CADPS2: variants seen among roughly 807,000 people sequenced by gnomAD.
The protein encoded by CADPS2 is calcium dependent secretion activator 2.
A neutral mutation model predicts 172.5 loss-of-function variants in CADPS2; 93 were observed. That is an observed-to-expected ratio of 0.54 (90% CI 0.46 to 0.64). The LOEUF is 0.64. CADPS2 is among the 30% of genes least tolerant of loss of function. CADPS2 has a pLI of 0.00. For synonymous variants in CADPS2, 546 were observed against 555.2 expected (o/e 0.98, Z 0.23); for missense variants, 1,420 against 1,565.9 (o/e 0.91, Z 1.57).
intron 1 of CADPS2, among the ~76,000 whole-genome samples, chr7:122,881,507 A>C (rs559310343): frequency 6.6e-5 from 10 of 152,276 alleles, no homozygotes; most frequent in African/African-American, 2.2e-4. Context: ...CACTCCCAAC[A>C]GGGCAAGGTA....
At chr7:122,750,018 G>C (rs1460865323) in intron 1 of CADPS2, among the ~76,000 whole-genome samples, 1 of 147,608 alleles carries the variant, frequency 6.8e-6, no homozygotes, top group Non-Finnish European at 1.5e-5. Flanking sequence ...AGAGGGACAA[G>C]AAAATGGAAG....
At chr7:122,660,853 T>G (rs1016698313) in intron 3 of CADPS2, among the ~76,000 whole-genome samples, 4 of 151,922 alleles carry the variant, frequency 2.6e-5, no homozygotes, top group African/African-American at 9.7e-5. Flanking sequence ...GAGGTTGCAG[T>G]AAGTTGAGAT....
chr7:122,668,528 A>G (rs1453976704), intron 2 of CADPS2, among the ~76,000 whole-genome samples: 1 of 152,190 alleles, frequency 6.6e-6, no homozygotes. Context: ...GTAGACTGCT[A>G]GTAAAAAATA....
chr7:122,508,776 T>G (rs1428546066), intron 9 of CADPS2, among the ~76,000 whole-genome samples: 1 of 152,108 alleles, frequency 6.6e-6, no homozygotes, highest in Non-Finnish European at 1.5e-5. Context: ...GAATTAAAGG[T>G]GCCTAACTCC....
At chr7:122,689,825 C>G (rs2084099653) in intron 2 of CADPS2, among the ~76,000 whole-genome samples, 1 of 152,180 alleles carries the variant, frequency 6.6e-6, no homozygotes, top group African/African-American at 2.4e-5. Flanking sequence ...CAGTGCTGCT[C>G]TATACATGGT....
At chr7:122,652,228 G>A (rs569829491) in intron 3 of CADPS2, among the ~76,000 whole-genome samples, 1 of 152,032 alleles carries the variant, frequency 6.6e-6, no homozygotes, top group African/African-American at 2.4e-5. Flanking sequence ...ACAATGCCTA[G>A]TGAAAACTCT....
At chr7:122,553,590 T>C (rs1211901827) in intron 8 of CADPS2, among the ~76,000 whole-genome samples, 1 of 152,060 alleles carries the variant, frequency 6.6e-6, no homozygotes, top group Non-Finnish European at 1.5e-5. Flanking sequence ...ATACCTTGGG[T>C]TTCCCCCTGC....
At chr7:122,643,251 G>A (rs960118759) in intron 3 of CADPS2, among the ~76,000 whole-genome samples, 13 of 152,160 alleles carry the variant, frequency 8.5e-5, no homozygotes, top group African/African-American at 3.1e-4. Flanking sequence ...GTTTTATTAA[G>A]TATTAGCAAA....
intron 8 of CADPS2, among the ~76,000 whole-genome samples, chr7:122,536,614 G>T (rs924358580): frequency 6.6e-6 from 1 of 152,004 alleles, no homozygotes; most frequent in African/African-American, 2.4e-5. Flanking sequence ...TTACTGATGA[G>T]GGTCAGTAAC....
At chr7:122,514,540 C>A (rs562283225) in intron 8 of CADPS2, among the ~76,000 whole-genome samples, 1 of 151,934 alleles carries the variant, frequency 6.6e-6, no homozygotes, top group Admixed American at 6.6e-5. Flanking sequence ...GGAATTAATG[C>A]GCACTCATTC....
chr7:122,635,966 T>A (rs957707926), intron 3 of CADPS2, among the ~76,000 whole-genome samples: 5 of 152,176 alleles, frequency 3.3e-5, no homozygotes, highest in African/African-American at 1.2e-4. Context: ...TAGATCTTTC[T>A]CTACCTCTTT....
At chr7:122,558,833 C>T (rs992363465) in intron 7 of CADPS2, among the ~76,000 whole-genome samples, 2 of 143,810 alleles carry the variant, frequency 1.4e-5, no homozygotes, top group Admixed American at 1.4e-4. Context: ...TGTGCATAAA[C>T]TCTGTGATCT....
intron 2 of CADPS2, chr7:122,702,045 T>C (rs1463360384): frequency 3.7e-6 from 6 of 1,613,622 alleles, no homozygotes; most frequent in East Asian, 2.2e-5. Flanking sequence ...AGCTGGTCAA[T>C]AGCTTTCTTC....
At chr7:122,869,310 A>C (rs1192850740) in intron 1 of CADPS2, among the ~76,000 whole-genome samples, 2 of 152,104 alleles carry the variant, frequency 1.3e-5, no homozygotes, top group Non-Finnish European at 2.9e-5. Context: ...AACAAAGAGA[A>C]AATATTGAAA....
At chr7:122,817,680 C>G (rs1161561244) in intron 1 of CADPS2, among the ~76,000 whole-genome samples, 1 of 151,924 alleles carries the variant, frequency 6.6e-6, no homozygotes, top group Non-Finnish European at 1.5e-5. Context: ...CTCCTTGTCT[C>G]TACCCCTTCT....
chr7:122,342,703 GT>G, intron 28 of CADPS2, among the ~76,000 whole-genome samples: 1 of 152,218 alleles, frequency 6.6e-6, no homozygotes, highest in African/African-American at 2.4e-5. Context: ...TCTAATCTGG[GT>G]TGGTTAAAAC....
intron 7 of CADPS2, among the ~76,000 whole-genome samples, chr7:122,558,269 T>C (rs140016468): frequency 6.6e-4 from 101 of 152,308 alleles, no homozygotes; most frequent in African/African-American, 2.4e-3. Context: ...GTGTCTGATG[T>C]TGACAGTCAT....
chr7:122,521,726 A>G (rs1048070474), intron 8 of CADPS2, among the ~76,000 whole-genome samples: 2 of 152,146 alleles, frequency 1.3e-5, no homozygotes, highest in African/African-American at 4.8e-5. Flanking sequence ...TTGTTGAGCA[A>G]GAACTTAAAA....
chr7:122,800,958 C>T (rs1279053390), intron 1 of CADPS2, among the ~76,000 whole-genome samples: 2 of 147,086 alleles, frequency 1.4e-5, no homozygotes, highest in Non-Finnish European at 3.0e-5. Context: ...TGCCACTGTA[C>T]TCCAGCCTGT....
Sources: allele counts gnomAD v4.1 joint callset (sites outside exome capture counted in the v4.1 genomes callset), GRCh38; gene constraint gnomAD v4.1.1; transcripts MANE v1.5; gene names NCBI Gene and HGNC (gene_info 2026-07-23, HGNC 2026-07-21).